Variants in SV2C observed in about 807,000 individuals in gnomAD.
SV2C encodes solute carrier family 22 member B3.
A neutral mutation model predicts 79.7 loss-of-function variants in SV2C; 49 were observed. The ratio of observed to expected loss-of-function variants is 0.61; its 90% CI spans 0.49 to 0.78. The LOEUF (loss-of-function observed/expected upper bound fraction) is 0.78. Ranked by LOEUF, SV2C falls within the 30% of genes least tolerant of loss-of-function variation. The probability of loss-of-function intolerance (pLI) is 0.00; values close to 1 mark genes in which losing one functional copy is unlikely to be tolerated. For missense variants in SV2C, 833 were observed against 912.9 expected, an observed-to-expected ratio of 0.91 and a Z score of 1.13; for synonymous variants, 334 against 333.2, an observed-to-expected ratio of 1.00 and a Z score of -0.03.
At chr5:76,281,410 A>G in intron 4 of SV2C, 1 of 277,674 alleles carries the variant, frequency 3.6e-6, no homozygotes, top group Non-Finnish European at 6.9e-6. Context: ...AAAAAAAAAA[A>G]AAGGCAGGGA....
the SV2C span, among the ~76,000 whole-genome samples, chr5:75,967,642 C>A: frequency 2.0e-5 from 3 of 152,066 alleles, no homozygotes; most frequent in Non-Finnish European, 4.4e-5. Flanking sequence ...CCGCCATTGC[C>A]GAGGCTTCAG....
At chr5:75,866,384 C>A in the SV2C span, among the ~76,000 whole-genome samples, 1 of 152,200 alleles carries the variant, frequency 6.6e-6, no homozygotes, top group Non-Finnish European at 1.5e-5. Context: ...GGGCACTGCA[C>A]CGATGTGGCA....
intron 3 of SV2C, among the ~76,000 whole-genome samples, chr5:76,206,171 G>T (rs1446787026): frequency 6.6e-6 from 1 of 152,184 alleles, no homozygotes; most frequent in Non-Finnish European, 1.5e-5. Context: ...AGATTTGGGG[G>T]TTGGGGAGTG....
the SV2C span, among the ~76,000 whole-genome samples, chr5:75,951,748 C>G: frequency 6.6e-6 from 1 of 152,100 alleles, no homozygotes; most frequent in South Asian, 2.1e-4. Flanking sequence ...TCATTTTCAC[C>G]GAGGACTGTG....
chr5:76,056,554 A>G, the SV2C span, among the ~76,000 whole-genome samples: 19 of 152,024 alleles, frequency 1.2e-4, no homozygotes, highest in Admixed American at 1.2e-3. Context: ...TAGTTTCAGA[A>G]AGAATGGCAC....
At chr5:76,056,203 G>C in the SV2C span, among the ~76,000 whole-genome samples, 1,475 of 152,134 alleles carry the variant, frequency 9.7e-3, 21 homozygotes, top group African/African-American at 0.034. Flanking sequence ...TAACATGAAG[G>C]GCTGTTGAAT....
At chr5:76,262,802 G>A (rs1199883977) in intron 4 of SV2C, among the ~76,000 whole-genome samples, 2 of 142,722 alleles carry the variant, frequency 1.4e-5, no homozygotes, top group Non-Finnish European at 2.9e-5. Flanking sequence ...GAGACTGACT[G>A]TTGTGATTTC....
chr5:76,216,942 T>C (rs1181310971), intron 4 of SV2C, among the ~76,000 whole-genome samples: 2 of 152,228 alleles, frequency 1.3e-5, no homozygotes, highest in African/African-American at 4.8e-5. Flanking sequence ...CCCTCTGTCA[T>C]CATTTTCCCT....
At chr5:76,035,511 A>C in the SV2C span, among the ~76,000 whole-genome samples, 1 of 152,106 alleles carries the variant, frequency 6.6e-6, no homozygotes, top group Non-Finnish European at 1.5e-5. Flanking sequence ...TTATGTACCC[A>C]GTAGTCATTC....
chr5:75,920,639 G>A, the SV2C span: 1 of 621,060 alleles, frequency 1.6e-6, no homozygotes, highest in Non-Finnish European at 2.9e-6. Flanking sequence ...GGAGTGGGTG[G>A]TGGGGGGTGG....
the SV2C span, among the ~76,000 whole-genome samples, chr5:75,873,792 A>C: frequency 4.6e-5 from 7 of 152,164 alleles, no homozygotes; most frequent in Admixed American, 4.6e-4. Context: ...CTGTATGCAC[A>C]TAAACTAGAA....
intron 2 of SV2C, among the ~76,000 whole-genome samples, chr5:76,153,692 T>A (rs1742632496): frequency 6.6e-6 from 1 of 152,178 alleles, no homozygotes; most frequent in Admixed American, 6.5e-5. Flanking sequence ...AGGGCAAGAC[T>A]GGAAAGATTT....
At chr5:76,349,669 ATTT>A (rs34691117) in intron 12 of SV2C, among the ~76,000 whole-genome samples, 100 of 137,510 alleles carry the variant, frequency 7.3e-4, no homozygotes, top group African/African-American at 2.3e-3. Flanking sequence ...TTTAGCCTTC[ATTT>A]TTTTTTTTTT....
chr5:75,990,913 A>T, the SV2C span, among the ~76,000 whole-genome samples: 1 of 151,984 alleles, frequency 6.6e-6, no homozygotes, highest in African/African-American at 2.4e-5. Flanking sequence ...TGATATGAGA[A>T]GGGCAGATTT....
intron 8 of SV2C, among the ~76,000 whole-genome samples, chr5:76,294,307 T>C (rs113128510): frequency 2.4e-3 from 350 of 148,738 alleles, no homozygotes; most frequent in African/African-American, 7.3e-3. Context: ...TCTCTCTCTT[T>C]TTTTTTTTTT....
chr5:76,202,635 G>A (rs981432783), intron 3 of SV2C, among the ~76,000 whole-genome samples: 2 of 152,176 alleles, frequency 1.3e-5, no homozygotes, highest in South Asian at 2.1e-4. Context: ...TATGTAAAAT[G>A]AGGCAACAGT....
At chr5:76,234,192 A>C (rs1471481559) in intron 4 of SV2C, among the ~76,000 whole-genome samples, 2 of 152,244 alleles carry the variant, frequency 1.3e-5, no homozygotes, top group Non-Finnish European at 2.9e-5. Flanking sequence ...CTAGTAATTC[A>C]GAAACACCTA....
chr5:76,036,238 A>T, the SV2C span, among the ~76,000 whole-genome samples: 3 of 151,786 alleles, frequency 2.0e-5, no homozygotes, highest in Non-Finnish European at 4.4e-5. Context: ...CATTTAGTCC[A>T]TTTACATTTA....
At chr5:76,345,531 C>G (rs1031481725) in intron 12 of SV2C, among the ~76,000 whole-genome samples, 4 of 152,142 alleles carry the variant, frequency 2.6e-5, no homozygotes, top group Non-Finnish European at 5.9e-5. Context: ...AGGGAAGGCT[C>G]CCTAGACGAG....
Sources: allele counts gnomAD v4.1 joint callset (sites outside exome capture counted in the v4.1 genomes callset), GRCh38; gene constraint gnomAD v4.1.1; transcripts MANE v1.5; gene names NCBI Gene and HGNC (gene_info 2026-07-23, HGNC 2026-07-21).